The following PAK2 variants were observed in gnomAD, a reference collection of about 807,000 sequenced individuals.
The protein encoded by PAK2 is p21 (RAC1) activated kinase 2.
In PAK2, 21 loss-of-function variants were observed where a neutral mutation model predicts 65.9. The ratio of observed to expected loss-of-function variants is 0.32; its 90% CI spans 0.23 to 0.46. PAK2 has a LOEUF of 0.46. PAK2 is among the 20% of genes least tolerant of loss of function. The pLI is 1.00. For missense variants in PAK2, 324 were observed against 642.6 expected (o/e 0.50, Z 5.36); for synonymous variants, 204 against 219.7 (o/e 0.93, Z 0.63).
chr3:196,781,442 A>C (rs530515277), intron 1 of PAK2, among the ~76,000 whole-genome samples: 1 of 152,328 alleles, frequency 6.6e-6, no homozygotes, highest in East Asian at 1.9e-4. Context: ...TGAATTAGCC[A>C]TGTAGCTAAG....
At chr3:196,806,511 A>C in intron 5 of PAK2, 68 bp from the exon 6 acceptor site, 4 of 954,466 alleles carry the variant, frequency 4.2e-6, no homozygotes, top group Non-Finnish European at 1.7e-6. Context: ...AAGTACGTTC[A>C]TAAAGGGCGA....
At chr3:196,792,864 G>A (rs1715118435) in intron 2 of PAK2, among the ~76,000 whole-genome samples, 1 of 152,042 alleles carries the variant, frequency 6.6e-6, no homozygotes, top group East Asian at 1.9e-4. Context: ...AGACAGTATT[G>A]TGAAAGAGGC....
At chr3:196,771,152 C>G (rs921902582) in intron 1 of PAK2, among the ~76,000 whole-genome samples, 2 of 152,038 alleles carry the variant, frequency 1.3e-5, no homozygotes, top group East Asian at 3.9e-4. Context: ...TTACCTCATT[C>G]TTAAAAAATA....
chr3:196,774,277 T>C (rs927320163), intron 1 of PAK2, among the ~76,000 whole-genome samples: 2 of 152,248 alleles, frequency 1.3e-5, no homozygotes, highest in African/African-American at 4.8e-5. Flanking sequence ...CTAGTCTTAG[T>C]TCTGTTAGTA....
At chr3:196,811,326 C>CCCTCCCTTCCTTCCCTTCCTTCCTTCCTT (rs1715808356) in intron 8 of PAK2, among the ~76,000 whole-genome samples, 1 of 4,396 alleles carries the variant, frequency 2.3e-4, no homozygotes, top group African/African-American at 1.2e-3. Context: ...TTCCTTCCTT[C>CCCTCCCTTCCTTCCCTTCCTTCCTTCCTT]CCTTCCCTCC....
chr3:196,805,268 C>T (rs1203767957), intron 4 of PAK2, 84 bp from the exon 5 acceptor site: 19 of 738,122 alleles, frequency 2.6e-5, no homozygotes, highest in Non-Finnish European at 3.9e-5. Context: ...GAACATTTCA[C>T]TTTCTCTGCT....
intron 2 of PAK2, among the ~76,000 whole-genome samples, chr3:196,795,724 G>A (rs543439409): frequency 3.3e-5 from 5 of 152,092 alleles, no homozygotes; most frequent in East Asian, 1.9e-4. Flanking sequence ...TTTTAAATGC[G>A]TAAAAGCTGA....
intron 1 of PAK2, among the ~76,000 whole-genome samples, chr3:196,762,807 A>AAG (rs57406989): frequency 0.032 from 4,452 of 139,630 alleles, 82 homozygotes; most frequent in Middle Eastern, 0.068. Flanking sequence ...AAAAAAAAAA[A>AAG]AAGAAGAAAA....
intron 1 of PAK2, among the ~76,000 whole-genome samples, chr3:196,741,483 G>A (rs958584286): frequency 6.6e-5 from 10 of 152,174 alleles, no homozygotes; most frequent in African/African-American, 1.7e-4. Flanking sequence ...CTTTTTCACT[G>A]TGTCATCCTC....
At chr3:196,746,228 C>A (rs1365022303) in intron 1 of PAK2, among the ~76,000 whole-genome samples, 1 of 152,096 alleles carries the variant, frequency 6.6e-6, no homozygotes, top group Non-Finnish European at 1.5e-5. Flanking sequence ...AATATTTTTA[C>A]AGTTAGGGAT....
In PAK2 at chr3:196,807,853, G is replaced by A. The variant is rs756461705; in HGVS notation, c.648G>A (p.Lys216=). 13 of 1,612,024 alleles carry A rather than the reference G, an allele frequency of 8.1e-6. No individual in the cohort carries two copies. Among genetic ancestry groups the A allele is most frequent in the African/African-American group, 1.3e-5 (1 of 74,884 alleles). ...ATTCACATGTTGATGGTGCTGCCAA[G>A]TCTTTAGACAAACAGAAAAAGAAGA... ...VGDSHVDGAA[K]SLDKQKKKTK... The change falls in exon 7 of 15, where the codon AAG becomes AAA. Residue 216 remains lysine, a synonymous_variant. Transcript: ENST00000327134.
At chr3:196,758,134 C>G (rs537196787) in intron 1 of PAK2, among the ~76,000 whole-genome samples, 2 of 152,300 alleles carry the variant, frequency 1.3e-5, no homozygotes, top group East Asian at 3.9e-4. Context: ...AACACAGTGT[C>G]CAGTGTGATG....
chr3:196,817,372 A>G (rs1711513531), intron 11 of PAK2, among the ~76,000 whole-genome samples: 1 of 151,030 alleles, frequency 6.6e-6, no homozygotes, highest in Non-Finnish European at 1.5e-5. Flanking sequence ...TTTTTTCGAG[A>G]TGGAGTCTTG....
intron 10 of PAK2, among the ~76,000 whole-genome samples, chr3:196,814,065 C>T (rs1715915714): frequency 6.6e-6 from 1 of 152,162 alleles, no homozygotes; most frequent in East Asian, 1.9e-4. Flanking sequence ...ATCGTTGATC[C>T]TTGGCTTCAT....
At chr3:196,818,985 C>A (rs1711564034) in intron 12 of PAK2, among the ~76,000 whole-genome samples, 1 of 152,168 alleles carries the variant, frequency 6.6e-6, no homozygotes, top group South Asian at 2.1e-4. Flanking sequence ...CTAACTGTTA[C>A]TCTTGTAGAA....
intron 2 of PAK2, among the ~76,000 whole-genome samples, chr3:196,787,215 C>G (rs902937696): frequency 2.0e-5 from 3 of 152,034 alleles, no homozygotes; most frequent in African/African-American, 4.8e-5. Context: ...TTGCATCTTT[C>G]TATAAATTTT....
At chr3:196,771,786 G>A (rs1369779318) in intron 1 of PAK2, among the ~76,000 whole-genome samples, 1 of 152,138 alleles carries the variant, frequency 6.6e-6, no homozygotes, top group African/African-American at 2.4e-5. Context: ...TCGAACTCCC[G>A]ACCTCAGATG....
At chr3:196,752,829 T>C (rs1713648786) in intron 1 of PAK2, among the ~76,000 whole-genome samples, 1 of 151,714 alleles carries the variant, frequency 6.6e-6, no homozygotes, top group Admixed American at 6.6e-5. Context: ...TGGCCTCAAG[T>C]GATCCGTCTG....
chr3:196,819,274 T>G (rs764574475), intron 12 of PAK2, among the ~76,000 whole-genome samples: 27 of 152,008 alleles, frequency 1.8e-4, no homozygotes, highest in Non-Finnish European at 3.7e-4. Context: ...AGACTCCATC[T>G]CTACTAAAAA....
Sources: allele counts gnomAD v4.1 joint callset (sites outside exome capture counted in the v4.1 genomes callset), GRCh38; gene constraint gnomAD v4.1.1; transcripts MANE v1.5; gene names NCBI Gene and HGNC (gene_info 2026-07-23, HGNC 2026-07-21).